Variants in NPIPB11 observed in about 807,000 individuals in gnomAD.
NPIPB11 encodes nuclear pore complex-interacting protein family member B11.
In NPIPB11, 17 loss-of-function variants were observed where a neutral mutation model predicts 32.8. The ratio of observed to expected loss-of-function variants is 0.52; its 90% confidence interval spans 0.35 to 0.78. NPIPB11 has a LOEUF of 0.78. Ranked by LOEUF, NPIPB11 falls within the 30% of genes least tolerant of loss-of-function variation. The pLI, the probability that NPIPB11 is intolerant of heterozygous loss-of-function variation, is 0.01. For synonymous variants in NPIPB11, 209 were observed against 398.4 expected (o/e 0.52, Z 5.66); for missense variants, 537 against 1,000.4 (o/e 0.54, Z 6.25).
At chr16:29,395,936 C>G in intron 2 of NPIPB11, among the ~76,000 whole-genome samples, 1 of 151,208 alleles carries the variant, frequency 6.6e-6, no homozygotes, top group Non-Finnish European at 1.5e-5. Context: ...CGAGATTGCA[C>G]CACTGCACTT....
intron 2 of NPIPB11, among the ~76,000 whole-genome samples, chr16:29,401,562 C>T (rs904410973): frequency 6.6e-6 from 1 of 152,128 alleles, no homozygotes; most frequent in African/African-American, 2.4e-5. Context: ...TCCTCCTCTG[C>T]CCCTCCACAG....
chr16:29,400,278 G>A (rs527625409), intron 2 of NPIPB11, among the ~76,000 whole-genome samples: 1 of 150,458 alleles, frequency 6.6e-6, no homozygotes, highest in Non-Finnish European at 1.5e-5. Flanking sequence ...TTGGGGTCTC[G>A]AACAATGGAG....
chr16:29,401,991 G>A (rs1488947702), intron 2 of NPIPB11, among the ~76,000 whole-genome samples: 1 of 151,374 alleles, frequency 6.6e-6, no homozygotes, highest in Non-Finnish European at 1.5e-5. Context: ...ACTCTGTGAT[G>A]CAGACTAGCC....
At chr16:29,405,198 G>A (rs1437754731), upstream of NPIPB11, among the ~76,000 whole-genome samples, 2 of 151,902 alleles carry the variant, frequency 1.3e-5, no homozygotes, top group African/African-American at 2.4e-5. Flanking sequence ...CATGTTTTAG[G>A]AAAAAACCCT....
intron 2 of NPIPB11, 129 bp from the exon 3 acceptor site, chr16:29,394,205 G>T (rs1963792961): frequency 4.9e-6 from 5 of 1,024,808 alleles, no homozygotes; most frequent in Non-Finnish European, 7.0e-6. Flanking sequence ...ATCACCGTGG[G>T]ATTCCACTGC....
intron 2 of NPIPB11, among the ~76,000 whole-genome samples, chr16:29,398,538 A>C (rs1213833866): frequency 2.9e-4 from 43 of 150,852 alleles, no homozygotes; most frequent in East Asian, 1.2e-3. Context: ...TTAAGCATGC[A>C]TGGTACATTT....
chr16:29,390,916 T>C (rs1811971528), intron 3 of NPIPB11, among the ~76,000 whole-genome samples: 2 of 146,132 alleles, frequency 1.4e-5, no homozygotes, highest in South Asian at 4.3e-4. Flanking sequence ...TGAGCTGAGA[T>C]TGTGCCATTG....
intron 2 of NPIPB11, among the ~76,000 whole-genome samples, 157 bp from the exon 3 acceptor site, chr16:29,394,233 G>T (rs1372136260): frequency 6.6e-6 from 1 of 151,946 alleles, no homozygotes; most frequent in Admixed American, 6.6e-5. Context: ...AAGAACAGAA[G>T]TTAGAAGTCA....
At chr16:29,389,548 C>A (rs946202600) in intron 5 of NPIPB11, among the ~76,000 whole-genome samples, 7 of 148,256 alleles carry the variant, frequency 4.7e-5, no homozygotes, top group African/African-American at 1.8e-4. Flanking sequence ...ATGGTGGGCA[C>A]CTGTAATCCC....
intron 3 of NPIPB11, among the ~76,000 whole-genome samples, chr16:29,390,961 CAAAAAAAA>C (rs1173802573): frequency 3.3e-4 from 28 of 84,552 alleles, no homozygotes; most frequent in Admixed American, 1.6e-3. Context: ...GAAACTGTCT[CAAAAAAAA>C]AAAAAAAAAA....
intron 2 of NPIPB11, among the ~76,000 whole-genome samples, chr16:29,401,860 G>A (rs1488753551): frequency 6.6e-6 from 1 of 151,938 alleles, no homozygotes; most frequent in South Asian, 2.1e-4. Flanking sequence ...GAGAGCCATG[G>A]AGGATGTGCA....
At chr16:29,396,628 G>C (rs151686) in intron 2 of NPIPB11, among the ~76,000 whole-genome samples, 2,815 of 133,864 alleles carry the variant, frequency 0.021, no homozygotes, top group Non-Finnish European at 0.032. Flanking sequence ...GGGAGTGGTG[G>C]CACATGTCTG....
exon 3 of NPIPB11, chr16:29,394,060 G>A (rs1394941202): frequency 6.3e-7 from 1 of 1,598,792 alleles, no homozygotes; most frequent in Non-Finnish European, 8.5e-7. Flanking sequence ...ATGATGGTCA[G>A]CCAGAGTATT....
At chr16:29,383,214 G>T in exon 8 of NPIPB11, 1 of 1,566,620 alleles carries the variant, frequency 6.4e-7, no homozygotes, top group Non-Finnish European at 8.7e-7. Flanking sequence ...TGCTGAGGGT[G>T]GAGCTGAGGG....
chr16:29,390,460 C>A, intron 3 of NPIPB11, 112 bp from the exon 4 acceptor site: 4 of 1,543,120 alleles, frequency 2.6e-6, no homozygotes, highest in Non-Finnish European at 3.5e-6. Context: ...CAAGACCAGC[C>A]TGGCCAAGAT....
In NPIPB11 at chr16:29,384,131, G is replaced by A. The variant is rs201563027; in HGVS notation, c.801C>T (p.Leu267=). ...GTGGAAGGGGAGTGAGCAGACACTCGAGAGGTGTCTTGAGGCTCAGGGAGT... is the reference window on the plus strand; with the variant it reads ...GTGGAAGGGGAGTGAGCAGACACTCAAGAGGTGTCTTGAGGCTCAGGGAGT... Residue 267 remains leucine (L), a synonymous_variant, in exon 8 of 8, where the codon CTC becomes CTT. Coordinates refer to ENST00000524087, the Ensembl canonical transcript of NPIPB11. 5.5e-4 allele frequency: 770 copies of A among 1,407,740 alleles called. 39 individuals are homozygous for A. The highest frequency in any genetic ancestry group is 5.4e-4 in the Non-Finnish European group (570 of 1,061,816). The allele number at this position is 1,407,740 out of a possible 1,614,324, so 87.2% of individuals were successfully genotyped here. A position where few individuals can be genotyped will look rare whatever the true frequency, so the allele number is the denominator to read the frequency against.
At chr16:29,405,516 C>T (rs1201947051), upstream of NPIPB11, among the ~76,000 whole-genome samples, 1 of 152,152 alleles carries the variant, frequency 6.6e-6, no homozygotes, top group East Asian at 1.9e-4. Flanking sequence ...CACATTATTA[C>T]ACTTAAACCT....
intron 2 of NPIPB11, among the ~76,000 whole-genome samples, chr16:29,395,720 C>A (rs1963836526): frequency 6.6e-6 from 1 of 151,048 alleles, no homozygotes; most frequent in African/African-American, 2.4e-5. Context: ...TGGCTCACGC[C>A]TGCAATCCCA....
At chr16:29,396,020 G>A (rs1372375623) in intron 2 of NPIPB11, among the ~76,000 whole-genome samples, 2 of 149,756 alleles carry the variant, frequency 1.3e-5, no homozygotes, top group African/African-American at 4.9e-5. Context: ...CATGAAAATG[G>A]CATGAATAGT....
Sources: gnomAD v4.1 joint callset for allele counts (sites outside exome capture counted in the v4.1 genomes callset) on GRCh38, gnomAD v4.1.1 for gene constraint, MANE v1.5 for transcripts, NCBI Gene and HGNC (gene_info 2026-07-23, HGNC 2026-07-21) for gene names.